NRXN1: variants seen among roughly 807,000 people sequenced by gnomAD.
NRXN1 encodes neurexin-1.
Under a neutral mutation model 150.9 loss-of-function variants are expected in NRXN1, and 39 were observed. The observed-to-expected ratio is 0.26, with a 90% CI of 0.20 to 0.34. The LOEUF (loss-of-function observed/expected upper bound fraction) is 0.34. Ranked by LOEUF, NRXN1 falls within the 10% of genes least tolerant of loss-of-function variation. NRXN1 has a pLI of 1.00. For missense variants in NRXN1, 1,815 were observed against 1,949.9 expected (o/e 0.93, Z 1.30); for synonymous variants, 924 against 757.0 (o/e 1.22, Z -3.62).
At chr2:50,125,437 T>C (rs1704441118) in intron 18 of NRXN1, among the ~76,000 whole-genome samples, 1 of 152,080 alleles carries the variant, frequency 6.6e-6, no homozygotes, top group African/African-American at 2.4e-5. Flanking sequence ...TCTGGCTTTG[T>C]ACCAAAAACA....
intron 22 of NRXN1, among the ~76,000 whole-genome samples, chr2:49,931,139 A>T (rs1399692519): frequency 6.6e-6 from 1 of 152,146 alleles, no homozygotes; most frequent in Non-Finnish European, 1.5e-5. Context: ...GAGACCTTTG[A>T]TTTTAAAGTT....
chr2:50,981,819 ATG>A (rs57306719), intron 2 of NRXN1, among the ~76,000 whole-genome samples: 68,157 of 148,826 alleles, frequency 0.46, 15,545 homozygotes, highest in African/African-American at 0.52. Flanking sequence ...TGAATAAACA[ATG>A]TGTGTGTGTG....
At chr2:50,140,864 T>C (rs1707170845) in intron 18 of NRXN1, among the ~76,000 whole-genome samples, 1 of 151,998 alleles carries the variant, frequency 6.6e-6, no homozygotes, top group Admixed American at 6.6e-5. Flanking sequence ...CTGAAAGATA[T>C]AGAATATTAT....
intron 5 of NRXN1, among the ~76,000 whole-genome samples, chr2:50,717,003 G>C (rs1695949958): frequency 6.6e-6 from 1 of 151,976 alleles, no homozygotes; most frequent in Admixed American, 6.6e-5. Flanking sequence ...TCTAAACAAA[G>C]AGTAGTGGAA....
At position 50,659,605 on chromosome 2, in the gene NRXN1, AC is replaced by A. The variant is rs568979410; in HGVS notation, c.833-35991del. ...TTCTTTACATTTAGAAACCAAATATACTTCTATAAATGCCACACTTATTTGG... is the reference window on the plus strand; with the variant it reads ...TTCTTTACATTTAGAAACCAAATATATTCTATAAATGCCACACTTATTTGG... On this transcript the variant is annotated intron_variant, in intron 5 of 22. Coordinates refer to ENST00000401669, the MANE Select transcript of NRXN1 (RefSeq NM_001330078.2). Among the ~76,000 whole-genome samples the A allele has an allele frequency of 4.4e-3, 665 of 152,090 alleles. 5 individuals are homozygous for A. The highest frequency in any genetic ancestry group is 0.015 in the African/African-American group (619 of 41,556).
chr2:50,461,172 T>C (rs2088164185), intron 17 of NRXN1, among the ~76,000 whole-genome samples: 1 of 152,028 alleles, frequency 6.6e-6, no homozygotes, highest in South Asian at 2.1e-4. Flanking sequence ...AAGTGTATTT[T>C]ATCCTCATTT....
intron 17 of NRXN1, among the ~76,000 whole-genome samples, chr2:50,419,443 G>T (rs1019380520): frequency 1.3e-5 from 2 of 151,994 alleles, no homozygotes; most frequent in Non-Finnish European, 2.9e-5. Context: ...AATATTAAAA[G>T]TATTTCTTGC....
chr2:50,875,278 A>G lies in NRXN1; in HGVS notation c.832+46591T>C, dbSNP rs139694681. ...TATAACTTCTTCACTGCATGTAAGT[A>G]TATCAAAACACCATGTTGTATATCT... On this transcript the variant is annotated intron_variant, in intron 5 of 22. Transcript: ENST00000401669. 4.0e-3 allele frequency among the ~76,000 whole-genome samples: 607 copies of G among 151,914 alleles called. 4 individuals are homozygous for G. Among genetic ancestry groups the G allele is most frequent in the Admixed American group, 6.0e-3 (92 of 15,212 alleles).
At chr2:50,881,562 A>C (rs1679432927) in intron 5 of NRXN1, among the ~76,000 whole-genome samples, 1 of 151,884 alleles carries the variant, frequency 6.6e-6, no homozygotes, top group Non-Finnish European at 1.5e-5. Flanking sequence ...CTAATTCTAT[A>C]AGAAAGGACA....
intron 19 of NRXN1, among the ~76,000 whole-genome samples, chr2:50,070,777 A>G (rs1696155585): frequency 6.6e-6 from 1 of 150,756 alleles, no homozygotes; most frequent in Non-Finnish European, 1.5e-5. Flanking sequence ...CTCAAAAAAA[A>G]AAAAAAAAAA....
At chr2:50,692,367 T>C (rs879183406) in intron 5 of NRXN1, among the ~76,000 whole-genome samples, 5 of 152,232 alleles carry the variant, frequency 3.3e-5, no homozygotes, top group Admixed American at 3.3e-4. Flanking sequence ...ATGCTATGTG[T>C]TGTATGTTAG....
intron 18 of NRXN1, among the ~76,000 whole-genome samples, chr2:50,129,787 A>C (rs961255880): frequency 6.6e-6 from 1 of 152,156 alleles, no homozygotes; most frequent in African/African-American, 2.4e-5. Flanking sequence ...CACTTTGGCC[A>C]CTCCAAAAAA....
intron 18 of NRXN1, among the ~76,000 whole-genome samples, chr2:50,125,901 A>G (rs957282227): frequency 6.6e-6 from 1 of 152,092 alleles, no homozygotes; most frequent in Non-Finnish European, 1.5e-5. Flanking sequence ...TTCCTGTGGT[A>G]TAACCTAACT....
chr2:50,279,763 T>C (rs1342527699), intron 17 of NRXN1, among the ~76,000 whole-genome samples: 4 of 152,174 alleles, frequency 2.6e-5, no homozygotes, highest in Non-Finnish European at 5.9e-5. Flanking sequence ...CCAAGAATCA[T>C]TTTCAAATTA....
chr2:50,157,056 G>C (rs1244249843), intron 18 of NRXN1, among the ~76,000 whole-genome samples: 1 of 151,964 alleles, frequency 6.6e-6, no homozygotes, highest in East Asian at 1.9e-4. Context: ...TTATTAAGTA[G>C]CCAATTCAAA....
chr2:50,320,097 A>G (rs2152973021), intron 17 of NRXN1, among the ~76,000 whole-genome samples: 1 of 150,868 alleles, frequency 6.6e-6, no homozygotes. Flanking sequence ...AACCTGGACC[A>G]TTCCAAACAC....
intron 2 of NRXN1, among the ~76,000 whole-genome samples, chr2:50,961,808 A>C (rs180856953): frequency 2.6e-5 from 4 of 151,808 alleles, no homozygotes; most frequent in Non-Finnish European, 5.9e-5. Context: ...GGATTTTGTT[A>C]ATTCCTTTCC....
Position 51,027,653 on chromosome 2 carries a change from C to T in NRXN1, c.621G>A (p.Glu207=), listed in dbSNP as rs201520814. The change falls in exon 2 of 23, where the codon GAG becomes GAA. Residue 207 remains glutamate (E), a synonymous_variant. Coordinates refer to ENST00000401669, the MANE Select transcript of NRXN1 (RefSeq NM_001330078.2). ...VDSGEVKLDD[E]PPNSGGGSPC... Reference sequence around the variant, plus strand: ...GGCTTCCCCCGCCGCTGTTGGGCGGCTCATCGTCCAGCTTCACCTCGCCGC... The same window carrying T: ...GGCTTCCCCCGCCGCTGTTGGGCGGTTCATCGTCCAGCTTCACCTCGCCGC... 1.9e-6 allele frequency: 3 copies of T among 1,600,798 alleles called. No homozygotes were observed. The highest frequency in any genetic ancestry group is 1.7e-6 in the Non-Finnish European group (2 of 1,173,986).
At chr2:50,373,661 A>AAGAAAAGAAAGAAG (rs1558620100) in intron 17 of NRXN1, among the ~76,000 whole-genome samples, 2 of 103,378 alleles carry the variant, frequency 1.9e-5, no homozygotes, top group African/African-American at 8.1e-5. Flanking sequence ...AAAGAAAGAA[A>AAGAAAAGAAAGAAG]GAAAGAAAGA....
Sources: gnomAD v4.1 joint callset for allele counts (sites outside exome capture counted in the v4.1 genomes callset) on GRCh38, gnomAD v4.1.1 for gene constraint, MANE v1.5 for transcripts, NCBI Gene and HGNC (gene_info 2026-07-23, HGNC 2026-07-21) for gene names.